MAP7: variants seen among roughly 807,000 people sequenced by gnomAD.
MAP7 encodes ensconsin.
Under a neutral mutation model 94.8 loss-of-function variants are expected in MAP7, and 52 were observed. The observed-to-expected ratio is 0.55, with a 90% CI of 0.44 to 0.69. The LOEUF is 0.69. MAP7 is among the 30% of genes least tolerant of loss of function. The pLI is 0.00. For synonymous variants in MAP7, 350 were observed against 357.0 expected (o/e 0.98, Z 0.22); for missense variants, 940 against 964.6 (o/e 0.97, Z 0.34).
At chr6:136,519,256 G>A (rs1031340892) in intron 1 of MAP7, among the ~76,000 whole-genome samples, 3 of 152,014 alleles carry the variant, frequency 2.0e-5, no homozygotes, top group Non-Finnish European at 4.4e-5. Flanking sequence ...CAATGAATTT[G>A]ACCTCAAGAT....
At chr6:136,355,068 C>T (rs1347498193) in intron 16 of MAP7, among the ~76,000 whole-genome samples, 1 of 151,962 alleles carries the variant, frequency 6.6e-6, no homozygotes, top group Non-Finnish European at 1.5e-5. Flanking sequence ...ACTAAAAATA[C>T]AAAAATTAGC....
At chr6:136,458,302 C>T (rs1353085157) in intron 1 of MAP7, among the ~76,000 whole-genome samples, 2 of 152,004 alleles carry the variant, frequency 1.3e-5, no homozygotes, top group Non-Finnish European at 2.9e-5. Flanking sequence ...GAAAGATATC[C>T]TATGGTTATG....
intron 1 of MAP7, among the ~76,000 whole-genome samples, chr6:136,487,814 G>C (rs1223880966): frequency 1.3e-5 from 2 of 152,108 alleles, no homozygotes; most frequent in African/African-American, 4.8e-5. Flanking sequence ...GGCGATTTCT[G>C]TTCACAATTT....
At chr6:136,409,367 G>T (rs376212376) in intron 3 of MAP7, among the ~76,000 whole-genome samples, 6 of 152,126 alleles carry the variant, frequency 3.9e-5, no homozygotes, top group Admixed American at 2.0e-4. Context: ...AGTCCAGCCT[G>T]GGCAACATAA....
chr6:136,521,927 C>T (rs1368955951), intron 1 of MAP7, among the ~76,000 whole-genome samples: 1 of 152,304 alleles, frequency 6.6e-6, no homozygotes, highest in African/African-American at 2.4e-5. Context: ...TATACTCTTG[C>T]ATTATTTGTA....
chr6:136,421,257 T>A (rs1224798670), intron 2 of MAP7, among the ~76,000 whole-genome samples: 2 of 152,218 alleles, frequency 1.3e-5, no homozygotes, highest in East Asian at 3.9e-4. Flanking sequence ...TGTGTAAAGA[T>A]TTCTTGAAAT....
rs757852374 is a variant in MAP7, at chr6:136,345,979, T to C, written c.2116A>G (p.Arg706Gly). The C allele has an allele frequency of 4.3e-6, 7 of 1,611,844 alleles. No homozygotes were observed. In the East Asian group the frequency reaches 1.3e-4, roughly 31 times the overall value. ...INLPIGSKPS[R>G]LDVTNSESPE... The stretch of plus-strand genomic sequence containing the variant: ...CTCTCACTGTTGGTGACATCTAATC[T>C]GGATGGTTTAGATCCAATGGGTAAG... The change falls in exon 17 of 18, where the codon AGA becomes GGA. Residue 706 changes from arginine to glycine, a missense_variant. Coordinates refer to ENST00000354570, the MANE Select transcript of MAP7 (RefSeq NM_003980.6).
chr6:136,469,460 C>G (rs886451528), intron 1 of MAP7, among the ~76,000 whole-genome samples: 1 of 152,086 alleles, frequency 6.6e-6, no homozygotes, highest in Admixed American at 6.5e-5. Context: ...TGGCTCACTG[C>G]AACCTCTGCC....
intron 1 of MAP7, among the ~76,000 whole-genome samples, chr6:136,536,495 T>A (rs1828899836): frequency 6.6e-6 from 1 of 152,232 alleles, no homozygotes; most frequent in South Asian, 2.1e-4. Flanking sequence ...ACACCCCAAA[T>A]GACCATTTTG....
At chr6:136,525,967 C>T in intron 1 of MAP7, 5 of 1,490,194 alleles carry the variant, frequency 3.4e-6, no homozygotes, top group South Asian at 1.3e-5. Context: ...CCAGGCATAC[C>T]GCTGCTACTT....
chr6:136,481,766 G>T (rs1229638576), intron 1 of MAP7, among the ~76,000 whole-genome samples: 1 of 152,106 alleles, frequency 6.6e-6, no homozygotes, highest in African/African-American at 2.4e-5. Context: ...GAGTATAACT[G>T]GATTGTTTGT....
At chr6:136,367,959 A>G (rs1303892419) in intron 8 of MAP7, among the ~76,000 whole-genome samples, 1 of 152,056 alleles carries the variant, frequency 6.6e-6, no homozygotes, top group Non-Finnish European at 1.5e-5. Context: ...AAAAAGACTC[A>G]AGAGGGACAA....
intron 1 of MAP7, among the ~76,000 whole-genome samples, chr6:136,529,330 G>A (rs1828286013): frequency 6.6e-6 from 1 of 152,040 alleles, no homozygotes; most frequent in South Asian, 2.1e-4. Flanking sequence ...ATGTTGGCCA[G>A]GCTGGTCTTT....
Position 136,368,291 on chromosome 6 carries a change from C to T in MAP7, c.877-1852G>A, listed in dbSNP as rs190781086. Among the ~76,000 whole-genome samples, 485 of 152,072 alleles carry T rather than the reference C, an allele frequency of 3.2e-3. 2 individuals are homozygous for T. Among genetic ancestry groups the T allele is most frequent in the Non-Finnish European group, 5.6e-3 (384 of 67,970 alleles). ...GGTACCACACATGTAAAGGCACTCC[C>T]AATTCTCATCCTGATCTGAGTTAAT... On this transcript the variant is annotated intron_variant, in intron 8 of 17. Coordinates refer to ENST00000354570, the MANE Select transcript of MAP7 (RefSeq NM_003980.6).
chr6:136,356,223 G>A (rs1435050088), intron 16 of MAP7, among the ~76,000 whole-genome samples: 1 of 152,174 alleles, frequency 6.6e-6, no homozygotes, highest in East Asian at 1.9e-4. Context: ...CTGGACTGCA[G>A]TGGCAGGAGT....
chr6:136,377,917 C>A, intron 6 of MAP7, 49 bp from the exon 7 acceptor site: 1 of 1,342,944 alleles, frequency 7.4e-7, no homozygotes, highest in Non-Finnish European at 1.1e-6. Context: ...TTTTCAGAGT[C>A]AAGAGGGCAT....
chr6:136,362,148 TG>T (rs1792989334), intron 11 of MAP7, among the ~76,000 whole-genome samples: 1 of 152,096 alleles, frequency 6.6e-6, no homozygotes, highest in Non-Finnish European at 1.5e-5. Context: ...TGGCTGGGCA[TG>T]GTGGCTCATG....
rs150643947 is a variant in MAP7, at chr6:136,510,999, A to G, written c.67+39343T>C. On this transcript the variant is annotated intron_variant, in intron 1 of 17. Transcript: ENST00000354570. The stretch of plus-strand genomic sequence containing the variant: ...ATGATATCGTAGGTGGTGTGGAAAC[A>G]AGTCCCAGCATAAACCCACACAGCT... Among the ~76,000 whole-genome samples the G allele has an allele frequency of 5.9e-3, 895 of 152,218 alleles. 8 individuals carry two copies. Among genetic ancestry groups the G allele is most frequent in the African/African-American group, 0.021 (854 of 41,540 alleles).
At chr6:136,534,600 T>A (rs1394972522) in intron 1 of MAP7, among the ~76,000 whole-genome samples, 1 of 152,192 alleles carries the variant, frequency 6.6e-6, no homozygotes, top group Non-Finnish European at 1.5e-5. Context: ...GTATCAATGA[T>A]CATAATCTTC....
Sources: allele counts gnomAD v4.1 joint callset (sites outside exome capture counted in the v4.1 genomes callset), GRCh38; gene constraint gnomAD v4.1.1; transcripts MANE v1.5; gene names NCBI Gene and HGNC (gene_info 2026-07-23, HGNC 2026-07-21).